The following KCNQ3 variants were observed in gnomAD, a reference collection of about 807,000 sequenced individuals.
The protein encoded by KCNQ3 is potassium voltage-gated channel subfamily Q member 3, also known as potassium voltage-gated channel subfamily KQT member 3.
Under a neutral mutation model 92.5 loss-of-function variants are expected in KCNQ3, and 30 were observed. That is an observed-to-expected ratio of 0.32 (90% CI 0.24 to 0.44). KCNQ3 has a LOEUF of 0.44. Ranked by LOEUF, KCNQ3 falls within the 20% of genes least tolerant of loss-of-function variation. KCNQ3 has a pLI of 1.00. For synonymous variants in KCNQ3, 450 were observed against 468.8 expected (o/e 0.96, Z 0.52); for missense variants, 913 against 1,140.3 (o/e 0.80, Z 2.87).
chr8:132,321,751 C>T (rs1478930107), intron 1 of KCNQ3, among the ~76,000 whole-genome samples: 1 of 152,210 alleles, frequency 6.6e-6, no homozygotes, highest in East Asian at 1.9e-4. Flanking sequence ...CCATTCACTA[C>T]CACACCCCTG....
At chr8:132,162,500 C>T (rs529096828) in intron 9 of KCNQ3, among the ~76,000 whole-genome samples, 33 of 152,258 alleles carry the variant, frequency 2.2e-4, no homozygotes, top group Non-Finnish European at 3.1e-4. Context: ...GGTGTCCTTT[C>T]ACTCTGCCTC....
chr8:132,380,423 G>A (rs1819716359), intron 1 of KCNQ3, among the ~76,000 whole-genome samples: 1 of 152,162 alleles, frequency 6.6e-6, no homozygotes, highest in Admixed American at 6.5e-5. Context: ...GACCTTATTG[G>A]ATCAAATTAT....
chr8:132,474,388 C>T (rs1822359819), intron 1 of KCNQ3, among the ~76,000 whole-genome samples: 1 of 152,060 alleles, frequency 6.6e-6, no homozygotes, highest in Non-Finnish European at 1.5e-5. Flanking sequence ...ATGTGAACTC[C>T]AAGTCTAGCA....
intron 1 of KCNQ3, among the ~76,000 whole-genome samples, chr8:132,279,715 C>T (rs953679759): frequency 3.3e-5 from 5 of 152,200 alleles, no homozygotes; most frequent in African/African-American, 1.2e-4. Flanking sequence ...TACATATATG[C>T]ACACATACAT....
intron 1 of KCNQ3, among the ~76,000 whole-genome samples, chr8:132,345,034 C>A (rs1818643147): frequency 6.6e-6 from 1 of 152,150 alleles, no homozygotes. Context: ...AGCATGCCCC[C>A]CTGTAATTTG....
intron 1 of KCNQ3, among the ~76,000 whole-genome samples, chr8:132,273,254 G>A (rs1012699440): frequency 6.6e-6 from 1 of 152,206 alleles, no homozygotes; most frequent in Non-Finnish European, 1.5e-5. Context: ...CTAAGTGGAG[G>A]TTTACAAACC....
intron 1 of KCNQ3, among the ~76,000 whole-genome samples, chr8:132,298,579 G>A (rs7835671): frequency 0.026 from 3,900 of 152,186 alleles, 186 homozygotes; most frequent in African/African-American, 0.088. Flanking sequence ...TTAATATACC[G>A]ATTTTAGAAT....
At chr8:132,454,136 C>T (rs991112617) in intron 1 of KCNQ3, among the ~76,000 whole-genome samples, 1 of 152,202 alleles carries the variant, frequency 6.6e-6, no homozygotes, top group African/African-American at 2.4e-5. Context: ...CCTGCCAAGG[C>T]AGAGACTAAT....
At position 132,240,482 on chromosome 8, in the gene KCNQ3, G is replaced by A. The variant is rs1307052225; in HGVS notation, c.387-54301C>T. Among the ~76,000 whole-genome samples the A allele has an allele frequency of 5.3e-5, 8 of 152,086 alleles. No homozygotes were observed. In the East Asian group the frequency reaches 7.7e-4, roughly 15 times the overall value. On this transcript the variant is annotated intron_variant, in intron 1 of 14. Transcript: ENST00000388996. ...ATTACAGGCATGAGCCACCATGCCC[G>A]GCCCATGCCATGATTCTTAATTCCA... is the stretch of plus-strand genomic sequence containing the variant.
chr8:132,134,154 C>G (rs1824982779), intron 13 of KCNQ3, 136 bp downstream of exon 13: 2 of 729,230 alleles, frequency 2.7e-6, no homozygotes, highest in Non-Finnish European at 5.0e-6. Context: ...CTGAAACAAG[C>G]TTCAAACTCT....
At chr8:132,278,737 G>A (rs1011360938) in intron 1 of KCNQ3, among the ~76,000 whole-genome samples, 3 of 152,178 alleles carry the variant, frequency 2.0e-5, no homozygotes, top group Non-Finnish European at 4.4e-5. Flanking sequence ...ATTTTAATGA[G>A]AACAACAGAA....
At position 132,320,852 on chromosome 8, in the gene KCNQ3, C is replaced by A. The variant is rs1414222935; in HGVS notation, c.387-134671G>T. On this transcript the variant is annotated intron_variant, in intron 1 of 14. Transcript: ENST00000388996. ...CCACTTCTCAGCACCTCTGTCCAAC[C>A]AGCAGAAGCCCTCTATTCACGTGCA... Among the ~76,000 whole-genome samples the A allele has an allele frequency of 1.1e-4, 16 of 152,314 alleles. No homozygotes were observed. In the East Asian group the frequency reaches 3.1e-3, roughly 29 times the overall value.
chr8:132,198,120 T>A (rs1408605494), intron 1 of KCNQ3, among the ~76,000 whole-genome samples: 1 of 152,242 alleles, frequency 6.6e-6, no homozygotes, highest in Non-Finnish European at 1.5e-5. Context: ...ACAAGTAGAC[T>A]GTCTCTCTTG....
chr8:132,439,004 C>G (rs745767180), intron 1 of KCNQ3, among the ~76,000 whole-genome samples: 1 of 150,078 alleles, frequency 6.7e-6, no homozygotes, highest in Non-Finnish European at 1.5e-5. Context: ...AGCAGTTTCT[C>G]TTTGTACCTT....
At chr8:132,431,474 G>A (rs1821250272) in intron 1 of KCNQ3, among the ~76,000 whole-genome samples, 1 of 152,230 alleles carries the variant, frequency 6.6e-6, no homozygotes, top group African/African-American at 2.4e-5. Flanking sequence ...GGTCGGTGAT[G>A]TCCCTGAATC....
chr8:132,418,153 T>C (rs1820871040), intron 1 of KCNQ3, among the ~76,000 whole-genome samples: 1 of 152,154 alleles, frequency 6.6e-6, no homozygotes, highest in South Asian at 2.1e-4. Flanking sequence ...AAGAACATAT[T>C]ACCCACACTG....
intron 2 of KCNQ3, among the ~76,000 whole-genome samples, chr8:132,185,118 G>A (rs1826920635): frequency 6.6e-6 from 1 of 152,224 alleles, no homozygotes; most frequent in Non-Finnish European, 1.5e-5. Context: ...CCTAGTTCCT[G>A]GAGTTGGATG....
At chr8:132,384,148 C>T (rs1819832503) in intron 1 of KCNQ3, among the ~76,000 whole-genome samples, 1 of 152,170 alleles carries the variant, frequency 6.6e-6, no homozygotes, top group South Asian at 2.1e-4. Flanking sequence ...CTCAGTGAGT[C>T]TTTGCTAGGT....
intron 9 of KCNQ3, among the ~76,000 whole-genome samples, chr8:132,159,291 C>T (rs1825910327): frequency 1.3e-5 from 2 of 152,094 alleles, no homozygotes; most frequent in Admixed American, 6.6e-5. Flanking sequence ...CTTGATGTTT[C>T]GTCCCTCATT....
Sources: allele counts gnomAD v4.1 joint callset (sites outside exome capture counted in the v4.1 genomes callset), GRCh38; gene constraint gnomAD v4.1.1; transcripts MANE v1.5; gene names NCBI Gene and HGNC (gene_info 2026-07-23, HGNC 2026-07-21).